IMMP2L: variants seen among roughly 807,000 people sequenced by gnomAD.
IMMP2L encodes mitochondrial inner membrane protease subunit 2.
IMMP2L carries 18 observed loss-of-function variants against 19.3 expected under a neutral mutation model. The observed-to-expected ratio is 0.93, with a 90% CI of 0.64 to 1.38. The LOEUF is 1.38. Among genes scored for constraint, IMMP2L ranks in the 40% most tolerant of loss-of-function variants. IMMP2L has a pLI of 0.00. For synonymous variants in IMMP2L, 76 were observed against 73.0 expected, an observed-to-expected ratio of 1.04 and a Z score of -0.21; for missense variants, 233 against 218.2, an observed-to-expected ratio of 1.07 and a Z score of -0.43.
chr7:111,356,329 G>A (rs1034972027), intron 3 of IMMP2L, among the ~76,000 whole-genome samples: 5 of 151,882 alleles, frequency 3.3e-5, no homozygotes, highest in African/African-American at 9.7e-5. Context: ...TTTTGTTCTT[G>A]TCATTATCCC....
At chr7:110,908,561 T>C (rs936944490) in intron 4 of IMMP2L, among the ~76,000 whole-genome samples, 2 of 152,218 alleles carry the variant, frequency 1.3e-5, no homozygotes, top group Admixed American at 6.5e-5. Context: ...TCCCAAACCA[T>C]GCAGCGTGAG....
rs187936254 is a variant in IMMP2L at position 111,530,536 on chromosome 7, T to C, written c.-2-9087A>G. On this transcript the variant is annotated intron_variant, in intron 1 of 5. Coordinates refer to ENST00000405709, the MANE Select transcript of IMMP2L (RefSeq NM_032549.4). ...AACAAGAATGTATTCAGCACTGTCT[T>C]AGGTGTCTTGAGATTTTTTTAAAAG... is the stretch of plus-strand genomic sequence containing the variant. 2.8e-4 allele frequency among the ~76,000 whole-genome samples: 42 copies of C among 152,256 alleles called. 1 individual carries two copies. The East Asian group carries it at 7.7e-3, about 28-fold the overall frequency.
chr7:111,352,996 C>A (rs1828332980), intron 3 of IMMP2L, among the ~76,000 whole-genome samples: 1 of 152,162 alleles, frequency 6.6e-6, no homozygotes, highest in Non-Finnish European at 1.5e-5. Context: ...TGCTAACTAT[C>A]TTCTACCTGC....
intron 5 of IMMP2L, among the ~76,000 whole-genome samples, chr7:110,795,062 G>A (rs919582001): frequency 2.6e-5 from 4 of 152,084 alleles, no homozygotes; most frequent in African/African-American, 9.7e-5. Flanking sequence ...TGGGCAGTCA[G>A]GGTGATTTAA....
chr7:110,688,883 C>T (rs1024121942), intron 5 of IMMP2L, among the ~76,000 whole-genome samples: 8 of 152,112 alleles, frequency 5.3e-5, no homozygotes, highest in Admixed American at 5.2e-4. Context: ...AACATGTGTA[C>T]ATATGTATAC....
intron 5 of IMMP2L, among the ~76,000 whole-genome samples, chr7:110,819,723 A>C (rs1239738149): frequency 6.6e-6 from 1 of 152,104 alleles, no homozygotes; most frequent in Non-Finnish European, 1.5e-5. Context: ...TTAGAGCTAG[A>C]GGAGCTCAGA....
chr7:111,561,421 C>T (rs1048836684), intron 1 of IMMP2L, among the ~76,000 whole-genome samples: 6 of 152,096 alleles, frequency 3.9e-5, no homozygotes, highest in African/African-American at 1.4e-4. Context: ...TCAGGAGTAC[C>T]CTTTTAAAAT....
intron 3 of IMMP2L, among the ~76,000 whole-genome samples, chr7:111,007,809 T>G (rs1267855263): frequency 6.6e-6 from 1 of 152,080 alleles, no homozygotes; most frequent in Non-Finnish European, 1.5e-5. Context: ...GCCTACCTGT[T>G]ATCTCCACTT....
intron 5 of IMMP2L, among the ~76,000 whole-genome samples, chr7:110,860,451 G>T (rs1290670546): frequency 6.6e-6 from 1 of 152,032 alleles, no homozygotes; most frequent in Non-Finnish European, 1.5e-5. Flanking sequence ...AATGTTGACA[G>T]ATACAATTAT....
chr7:110,950,902 T>A (rs1282555801), intron 4 of IMMP2L, among the ~76,000 whole-genome samples: 1 of 135,946 alleles, frequency 7.4e-6, no homozygotes, highest in African/African-American at 3.3e-5. Context: ...CATGTATATA[T>A]ATGCCAAATA....
At chr7:110,844,646 G>A (rs76150917) in intron 5 of IMMP2L, among the ~76,000 whole-genome samples, 2,422 of 148,180 alleles carry the variant, frequency 0.016, 82 homozygotes, top group African/African-American at 0.06. Flanking sequence ...CTAGTCCTAC[G>A]CAGAAGACAG....
chr7:111,280,573 AG>A (rs1289826092), intron 3 of IMMP2L, among the ~76,000 whole-genome samples: 1 of 152,164 alleles, frequency 6.6e-6, no homozygotes, highest in Non-Finnish European at 1.5e-5. Context: ...CAAACATTTT[AG>A]AAAACATTAG....
intron 1 of IMMP2L, among the ~76,000 whole-genome samples, chr7:111,553,663 ACTG>A (rs895683592): frequency 2.4e-4 from 37 of 152,344 alleles, no homozygotes; most frequent in African/African-American, 8.4e-4. Flanking sequence ...GAAATGCTCA[ACTG>A]CTATTTCTTT....
intron 5 of IMMP2L, among the ~76,000 whole-genome samples, chr7:110,748,559 CA>C (rs1797513141): frequency 6.6e-6 from 1 of 152,004 alleles, no homozygotes; most frequent in African/African-American, 2.4e-5. Flanking sequence ...ATATATAGAC[CA>C]ACGGAACAGA....
At chr7:111,230,347 G>A (rs1157507610) in intron 3 of IMMP2L, among the ~76,000 whole-genome samples, 1 of 151,862 alleles carries the variant, frequency 6.6e-6, no homozygotes, top group African/African-American at 2.4e-5. Context: ...ACACTAGCAA[G>A]GTCTTCCATA....
chr7:110,732,862 C>CGGTG (rs1796364663), intron 5 of IMMP2L, among the ~76,000 whole-genome samples: 1 of 151,570 alleles, frequency 6.6e-6, no homozygotes, highest in African/African-American at 2.4e-5. Flanking sequence ...CACAGTTCAC[C>CGGTG]GCAGCCTCAA....
At chr7:111,019,450 A>G (rs1585785555) in intron 3 of IMMP2L, among the ~76,000 whole-genome samples, 1 of 151,960 alleles carries the variant, frequency 6.6e-6, no homozygotes. Context: ...TCACAACCCC[A>G]CCCTCCTGGG....
At chr7:110,746,383 A>G (rs779445169) in intron 5 of IMMP2L, among the ~76,000 whole-genome samples, 2 of 152,186 alleles carry the variant, frequency 1.3e-5, no homozygotes, top group African/African-American at 2.4e-5. Flanking sequence ...CAGGACTTGA[A>G]CTCAGCTCTG....
chr7:111,472,976 G>C (rs1841398346), intron 3 of IMMP2L, among the ~76,000 whole-genome samples: 1 of 151,954 alleles, frequency 6.6e-6, no homozygotes, highest in Admixed American at 6.6e-5. Flanking sequence ...ATGCAAAATA[G>C]TGCTGATAAA....
Sources: allele counts gnomAD v4.1 joint callset (sites outside exome capture counted in the v4.1 genomes callset), GRCh38; gene constraint gnomAD v4.1.1; transcripts MANE v1.5; gene names NCBI Gene and HGNC (gene_info 2026-07-23, HGNC 2026-07-21).